The following PKD2L2 variants were observed in gnomAD, a reference collection of about 807,000 sequenced individuals.
PKD2L2 encodes polycystin 2 like 2, transient receptor potential cation channel.
In PKD2L2, 67 loss-of-function variants were observed where a neutral mutation model predicts 83.9. The observed-to-expected ratio is 0.80, with a 90% confidence interval of 0.66 to 0.98. The LOEUF (loss-of-function observed/expected upper bound fraction) is 0.98. Among genes scored for constraint, PKD2L2 ranks in the 50% least tolerant of loss-of-function variants. The pLI is 0.00. For missense variants in PKD2L2, 632 were observed against 717.2 expected (o/e 0.88, Z 1.36); for synonymous variants, 223 against 237.8 (o/e 0.94, Z 0.57).
At chr5:137,894,256 A>G in intron 3 of PKD2L2, 97 bp from the exon 4 acceptor site, 1 of 1,100,072 alleles carries the variant, frequency 9.1e-7, no homozygotes, top group Non-Finnish European at 1.3e-6. Context: ...CAATAGTTTG[A>G]TTTTCATACT....
intron 3 of PKD2L2, 32 bp downstream of exon 3, chr5:137,892,645 AT>A: frequency 6.3e-7 from 1 of 1,593,470 alleles, no homozygotes; most frequent in Non-Finnish European, 8.6e-7. Context: ...GATGAAGTAG[AT>A]TTAGGTAGTC....
At chr5:137,926,226 TTTCTC>T (rs1455318366) in intron 12 of PKD2L2, among the ~76,000 whole-genome samples, 9 of 152,210 alleles carry the variant, frequency 5.9e-5, no homozygotes, top group African/African-American at 1.7e-4. Flanking sequence ...CTTGATAACT[TTTCTC>T]TTCTAATCAC....
intron 9 of PKD2L2, 33 bp downstream of exon 9, chr5:137,921,789 C>A: frequency 6.7e-7 from 1 of 1,484,212 alleles, no homozygotes; most frequent in Non-Finnish European, 9.2e-7. Flanking sequence ...TCATTTCTTA[C>A]TTTTTAGAAT....
chr5:137,916,140 G>T (rs956424444), intron 8 of PKD2L2, among the ~76,000 whole-genome samples: 9 of 151,686 alleles, frequency 5.9e-5, no homozygotes, highest in African/African-American at 9.7e-5. Flanking sequence ...AAAGTGCTGG[G>T]ATCACAGGCA....
intron 4 of PKD2L2, among the ~76,000 whole-genome samples, chr5:137,899,211 G>A (rs190077951): frequency 3.3e-5 from 5 of 152,148 alleles, no homozygotes; most frequent in African/African-American, 7.2e-5. Flanking sequence ...CAACCTCCCG[G>A]GCCCAAACAA....
chr5:137,913,076 T>C (rs147371254), intron 8 of PKD2L2, among the ~76,000 whole-genome samples: 1,977 of 151,880 alleles, frequency 0.013, 33 homozygotes, highest in African/African-American at 0.044. Context: ...GGTTTCACCA[T>C]GTTGGCCAGG....
intron 5 of PKD2L2, among the ~76,000 whole-genome samples, chr5:137,902,229 T>C (rs532658461): frequency 6.6e-6 from 1 of 152,126 alleles, no homozygotes; most frequent in South Asian, 2.1e-4. Flanking sequence ...TTCAATGATA[T>C]AGACACAGAA....
Position 137,890,825 on chromosome 5 carries a change from C to G in PKD2L2, c.133+243C>G, listed in dbSNP as rs987066515. Among the ~76,000 whole-genome samples, 8 of 152,208 alleles carry G rather than the reference C, an allele frequency of 5.3e-5. No individual in the cohort carries two copies. In the South Asian group the frequency reaches 1.7e-3, roughly 31 times the overall value. Reference sequence around the variant, plus strand: ...ATGTAAGAAGCTTCCATAGTCAATACTGACTGAATTAGAATTATTCCTTTC... The same window carrying G: ...ATGTAAGAAGCTTCCATAGTCAATAGTGACTGAATTAGAATTATTCCTTTC... On this transcript the variant is annotated intron_variant, in intron 2 of 14. Transcript: ENST00000508883.
intron 9 of PKD2L2, among the ~76,000 whole-genome samples, chr5:137,923,191 T>C (rs902822530): frequency 2.0e-5 from 3 of 152,150 alleles, no homozygotes; most frequent in Admixed American, 1.3e-4. Context: ...AATTTTTGTA[T>C]TTTTAGTAGA....
chr5:137,915,307 T>C (rs1310490527), intron 8 of PKD2L2, among the ~76,000 whole-genome samples: 1 of 152,206 alleles, frequency 6.6e-6, no homozygotes, highest in South Asian at 2.1e-4. Flanking sequence ...TGGAAGAGTT[T>C]GAAGATTGGC....
intron 4 of PKD2L2, among the ~76,000 whole-genome samples, chr5:137,897,913 T>C (rs867440783): frequency 6.6e-6 from 1 of 152,050 alleles, no homozygotes; most frequent in Non-Finnish European, 1.5e-5. Flanking sequence ...CAAAGCTTTC[T>C]TTTTTTGGAT....
rs769581128 is a variant in PKD2L2, at chr5:137,908,771, A to C, written c.1153A>C (p.Lys385Gln). The C allele has an allele frequency of 1.3e-6, 2 of 1,517,656 alleles. No individual in the cohort carries two copies. Among genetic ancestry groups the C allele is most frequent in the Non-Finnish European group, 1.8e-6 (2 of 1,117,608 alleles). The allele number at this position is 1,517,656 out of a possible 1,614,324, so 94.0% of individuals were successfully genotyped here. A position where few individuals can be genotyped will look rare whatever the true frequency, so the allele number is the denominator to read the frequency against. The part of the protein sequence containing the change: ...TIFFAWIKIF[K>Q]FISFNKTMSQ... ...TAACTTTGTTCTTTTTCAGATATTC[A>C]AATTCATAAGCTTTAACAAGACAAT... Residue 385 changes from lysine (K) to glutamine (Q), a missense_variant, in exon 8 of 15, where the codon AAA becomes CAA. Around this residue, in one of 3 missense-constraint regions of PKD2L2, gnomAD observed 399 missense variants for 416.9 expected, o/e 0.96. Transcript: ENST00000508883.
intron 8 of PKD2L2, 149 bp from the exon 9 acceptor site, chr5:137,921,487 A>G (rs931058254): frequency 1.6e-4 from 90 of 545,518 alleles, no homozygotes; most frequent in Non-Finnish European, 2.2e-4. Context: ...TCTACATCCA[A>G]TTTTACACAA....
At chr5:137,912,262 A>C (rs1319724754) in intron 8 of PKD2L2, among the ~76,000 whole-genome samples, 1 of 152,212 alleles carries the variant, frequency 6.6e-6, no homozygotes, top group Non-Finnish European at 1.5e-5. Flanking sequence ...ACCATTTTAC[A>C]TTCCCACCAA....
chr5:137,923,497 T>A lies in PKD2L2; in HGVS notation c.1527T>A (p.Phe509Leu), dbSNP rs766631827. ...ATTCAATAGGCAGAAGGCTAGATTTTGAACTTGGCAAAATGATTAAACAGG... is the reference window on the plus strand; with the variant it reads ...ATTCAATAGGCAGAAGGCTAGATTTAGAACTTGGCAAAATGATTAAACAGG... ...ADYSIGRRLD[F>L]ELGKMIKQSY... Residue 509 changes from phenylalanine (F) to leucine (L), a missense_variant, in exon 10 of 15, where the codon TTT (phenylalanine) becomes TTA (leucine). Physicochemically the swap from Phe to Leu is conservative, Grantham distance 22. Around this residue, in one of 3 missense-constraint regions of PKD2L2, gnomAD observed 399 missense variants for 416.9 expected, o/e 0.96. Coordinates refer to ENST00000508883, the MANE Select transcript of PKD2L2 (RefSeq NM_001300921.2). 6.6e-7 allele frequency: 1 copy of A among 1,515,620 alleles called. No homozygotes were observed. The highest frequency in any genetic ancestry group is 9.2e-7 in the Non-Finnish European group (1 of 1,090,646). The allele number at this position is 1,515,620 out of a possible 1,614,324, so 93.9% of individuals were successfully genotyped here.
intron 5 of PKD2L2, among the ~76,000 whole-genome samples, chr5:137,902,686 G>T (rs537308339): frequency 2.0e-5 from 3 of 152,186 alleles, no homozygotes; most frequent in Non-Finnish European, 4.4e-5. Context: ...TCTTTGGTTG[G>T]TGCTATCTCT....
intron 11 of PKD2L2, among the ~76,000 whole-genome samples, chr5:137,925,400 T>A (rs1759299098): frequency 6.6e-6 from 1 of 152,228 alleles, no homozygotes; most frequent in Admixed American, 6.5e-5. Context: ...TCCTAATTTC[T>A]GAGGACATCA....
chr5:137,927,868 C>T (rs1232293985), intron 12 of PKD2L2, among the ~76,000 whole-genome samples: 1 of 152,064 alleles, frequency 6.6e-6, no homozygotes, highest in Admixed American at 6.6e-5. Flanking sequence ...ATTTGATATT[C>T]TTTAAAAAAA....
At chr5:137,941,890 T>C (rs1761961932) in intron 14 of PKD2L2, 3 of 1,374,750 alleles carry the variant, frequency 2.2e-6, no homozygotes, top group East Asian at 4.6e-5. Context: ...CAACATATGG[T>C]CAGTTTGTGA....
Sources: allele counts gnomAD v4.1 joint callset (sites outside exome capture counted in the v4.1 genomes callset), GRCh38; gene constraint gnomAD v4.1.1; regional missense constraint gnomAD v4.1.1; transcripts MANE v1.5; gene names NCBI Gene and HGNC (gene_info 2026-07-23, HGNC 2026-07-21).